Variants in C8orf48 observed in about 807,000 individuals in gnomAD.
C8orf48 encodes the protein uncharacterized protein C8orf48.
For missense variants in C8orf48, 580 were observed against 363.3 expected (o/e 1.60, Z -4.85); for synonymous variants, 188 against 138.2 (o/e 1.36, Z -2.53).
rs1162215969 is a variant in C8orf48, at chr8:13,567,741, C to G, written c.750C>G (p.Asp250Glu). ...CCCGTATTGGAGAAGCACATCAAGACTTTCCCAGGCTTTCAGATGACCCCA... is the reference window on the plus strand; with the variant it reads ...CCCGTATTGGAGAAGCACATCAAGAGTTTCCCAGGCTTTCAGATGACCCCA... ...FLTRIGEAHQ[D>E]FPRLSDDPRI... Residue 250 changes from aspartate (D) to glutamate (E), a missense_variant, in exon 1 of 1, where the codon GAC (aspartate) becomes GAG (glutamate). Physicochemically the swap from Asp to Glu is conservative, Grantham distance 45. Coordinates refer to ENST00000297324, the MANE Select transcript of C8orf48 (RefSeq NM_001007090.3). 6.4e-7 allele frequency: 1 copy of G among 1,552,096 alleles called. No individual in the cohort carries two copies. Among genetic ancestry groups the G allele is most frequent in the Non-Finnish European group, 8.7e-7 (1 of 1,147,084 alleles).
rs116418644 is a variant in C8orf48, at chr8:13,566,977, G to A, written c.-15G>A. On this transcript the variant is annotated 5_prime_UTR_variant, in exon 1 of 1. Coordinates refer to ENST00000297324, the MANE Select transcript of C8orf48 (RefSeq NM_001007090.3). Reference sequence around the variant, plus strand: ...CTGGGCAAAGGAGATGAGGAGCCGAGCCTGATGCATTGTGATGGCCATCTG... The same window carrying A: ...CTGGGCAAAGGAGATGAGGAGCCGAACCTGATGCATTGTGATGGCCATCTG... 932 of 1,533,566 alleles carry A rather than the reference G, an allele frequency of 6.1e-4. 5 individuals carry two copies. The African/African-American group carries it at 0.011, about 18-fold the overall frequency. The allele number at this position is 1,533,566 out of a possible 1,614,324, so 95.0% of individuals were successfully genotyped here.
chr8:13,567,627 T>A lies in C8orf48; in HGVS notation c.636T>A (p.Ser212=). The part of the protein sequence containing the change: ...CNRKRAELAL[S]AFLKQKKTLL... Reference sequence around the variant, plus strand: ...GGAAAAGAGCGGAGCTGGCCCTGTCTGCCTTTCTGAAACAAAAGAAGACTT... The same window carrying A: ...GGAAAAGAGCGGAGCTGGCCCTGTCAGCCTTTCTGAAACAAAAGAAGACTT... Residue 212 remains serine (S), a synonymous_variant, in exon 1 of 1, where the codon TCT becomes TCA. Coordinates refer to ENST00000297324, the MANE Select transcript of C8orf48 (RefSeq NM_001007090.3). The A allele has an allele frequency of 6.4e-7, 1 of 1,551,726 alleles. No individual in the cohort carries two copies. The highest frequency in any genetic ancestry group is 8.7e-7 in the Non-Finnish European group (1 of 1,147,000).
chr8:13,567,795 A>G lies in C8orf48; in HGVS notation c.804A>G (p.Lys268=). Residue 268 remains lysine, a synonymous_variant, in exon 1 of 1, where the codon AAA becomes AAG. Coordinates refer to ENST00000297324, the MANE Select transcript of C8orf48 (RefSeq NM_001007090.3). ...TAATCTGGAAAAGACTGACTGAGAA[A>G]AGTCATATCAGATACTCTGGTTTTG... ...PRIIWKRLTE[K]SHIRYSGFER... 1.3e-6 allele frequency: 2 copies of G among 1,551,878 alleles called. No individual in the cohort carries two copies. Among genetic ancestry groups the G allele is most frequent in the Non-Finnish European group, 1.7e-6 (2 of 1,147,034 alleles).
chr8:13,566,873 C>A lies in C8orf48; in HGVS notation c.-119C>A. 1 of 1,298,686 alleles carries A rather than the reference C, an allele frequency of 7.7e-7. No homozygotes were observed. The highest frequency in any genetic ancestry group is 1.0e-6 in the Non-Finnish European group (1 of 986,708). The allele number at this position is 1,298,686 out of a possible 1,614,324, so 80.4% of individuals were successfully genotyped here. ...AGCTGGGAAGGCGTCTCCCGGAAGACGACCTCCGCAGAGCTGATGGCATTG... is the reference window on the plus strand; with the variant it reads ...AGCTGGGAAGGCGTCTCCCGGAAGAAGACCTCCGCAGAGCTGATGGCATTG... On this transcript the variant is annotated 5_prime_UTR_variant, in exon 1 of 1. Transcript: ENST00000297324.
chr8:13,567,486 T>G lies in C8orf48; in HGVS notation c.495T>G (p.Ser165Arg). ...AGGCTTCAGAGAGAGATGCCTTTAGTTGTACTGTACCCGATGAACTTTTGA... is the reference window on the plus strand; with the variant it reads ...AGGCTTCAGAGAGAGATGCCTTTAGGTGTACTGTACCCGATGAACTTTTGA... ...DVEASERDAF[S>R]CTVPDELLNR... The change falls in exon 1 of 1, where the codon AGT becomes AGG. Residue 165 changes from serine to arginine, a missense_variant. Ser to Arg is a moderately radical substitution (Grantham distance 110, BLOSUM62 -1). Transcript: ENST00000297324. 6.4e-7 allele frequency: 1 copy of G among 1,552,096 alleles called. No homozygotes were observed. The highest frequency in any genetic ancestry group is 8.7e-7 in the Non-Finnish European group (1 of 1,147,072).
chr8:13,567,619 G>A lies in C8orf48; in HGVS notation c.628G>A (p.Ala210Thr), dbSNP rs760216970. 46 of 1,551,528 alleles carry A rather than the reference G, an allele frequency of 3.0e-5. No individual in the cohort carries two copies. The highest frequency in any genetic ancestry group is 3.9e-5 in the Non-Finnish European group (45 of 1,146,996). Residue 210 changes from alanine (A) to threonine (T), a missense_variant, in exon 1 of 1, where the codon GCC becomes ACC. Ala to Thr is a moderately conservative substitution (Grantham distance 58). Coordinates refer to ENST00000297324, the MANE Select transcript of C8orf48 (RefSeq NM_001007090.3). ...TTGTAACAGGAAAAGAGCGGAGCTG[G>A]CCCTGTCTGCCTTTCTGAAACAAAA... ...PYCNRKRAELALSAFLKQKKT... is the reference protein window; with the variant it reads ...PYCNRKRAELTLSAFLKQKKT...
chr8:13,567,137 T>A lies in C8orf48; in HGVS notation c.146T>A (p.Leu49Gln). 6.4e-7 allele frequency: 1 copy of A among 1,551,768 alleles called. No homozygotes were observed. Among genetic ancestry groups the A allele is most frequent in the Non-Finnish European group, 8.7e-7 (1 of 1,147,004 alleles). Reference protein sequence around the residue: ...SSSGGRQSSPLTSGSKLEREK... With the variant: ...SSSGGRQSSPQTSGSKLEREK... ...TCTGGAGGACGGCAGTCCTCGCCCC[T>A]GACCTCTGGGAGCAAACTGGAGAGG... Residue 49 changes from leucine to glutamine, a missense_variant, in exon 1 of 1, where the codon CTG (leucine) becomes CAG (glutamine). By Grantham distance (113) the Leu-to-Gln change is moderately radical. Transcript: ENST00000297324.
At position 13,568,128 on chromosome 8, in the gene C8orf48, T is replaced by C. The variant is rs1464615042; in HGVS notation, c.*177T>C. On this transcript the variant is annotated 3_prime_UTR_variant, in exon 1 of 1. Coordinates refer to ENST00000297324, the MANE Select transcript of C8orf48 (RefSeq NM_001007090.3). ...TAGTTGGAATAGTTATAAAAACTTT[T>C]ACAAAATTCCAAGAGAACTATGTTG... The C allele has an allele frequency of 4.3e-6, 3 of 703,650 alleles. No individual in the cohort carries two copies. Among genetic ancestry groups the C allele is most frequent in the Admixed American group, 3.5e-5 (1 of 28,272 alleles). 43.6% of individuals were successfully genotyped at this position (703,650 alleles called of 1,614,324 possible).
rs1163591057 is a variant in C8orf48, at chr8:13,567,757, G to C, written c.766G>C (p.Asp256His). 1 of 1,552,012 alleles carries C rather than the reference G, an allele frequency of 6.4e-7. No homozygotes were observed. The highest frequency in any genetic ancestry group is 1.2e-5 in the South Asian group (1 of 84,066). The part of the protein sequence containing the change: ...EAHQDFPRLS[D>H]DPRIIWKRLT... ...ACATCAAGACTTTCCCAGGCTTTCA[G>C]ATGACCCCAGAATAATCTGGAAAAG... The change falls in exon 1 of 1, where the codon GAT (aspartate) becomes CAT (histidine). Residue 256 changes from aspartate (D) to histidine (H), a missense_variant. Transcript: ENST00000297324.
rs1804525954 is a variant in C8orf48, at chr8:13,568,234, T to C, written c.*283T>C. On this transcript the variant is annotated 3_prime_UTR_variant, in exon 1 of 1. Transcript: ENST00000297324. ...AGAAACTTAAAAAGTAATAACTGTC[T>C]TTGGCGATCAAATGGCTATGGGGAA... The C allele has an allele frequency of 6.9e-6, 2 of 291,884 alleles. No individual in the cohort carries two copies. Among genetic ancestry groups the C allele is most frequent in the South Asian group, 8.5e-5 (1 of 11,778 alleles). 18.1% of individuals were successfully genotyped at this position (291,884 alleles called of 1,614,324 possible). A position where few individuals can be genotyped will look rare whatever the true frequency, so the allele number is the denominator to read the frequency against.
rs975341145 is a variant in C8orf48 at position 13,567,732 on chromosome 8, A to G, written c.741A>G (p.Ala247=). 7.6e-5 allele frequency: 118 copies of G among 1,552,016 alleles called. No homozygotes were observed. The highest frequency in any genetic ancestry group is 1.0e-4 in the Non-Finnish European group (115 of 1,147,106). The change falls in exon 1 of 1, where the codon GCA becomes GCG. Residue 247 remains alanine (A), a synonymous_variant. Transcript: ENST00000297324. ...TKDFLTRIGE[A]HQDFPRLSDD... ...ACTTTCTCACCCGTATTGGAGAAGC[A>G]CATCAAGACTTTCCCAGGCTTTCAG...
Position 13,567,907 on chromosome 8 carries a change from A to T in C8orf48, c.916A>T (p.Thr306Ser), listed in dbSNP as rs774481502. ...TTCTCTGCCATTTCTCAAGCGACTT[A>T]CTCTAATCAAACCAGAGCTGGTGAT... ...PFSLPFLKRL[T>S]LIKPELVIVN... is the part of the protein sequence containing the mutation. The change falls in exon 1 of 1, where the codon ACT becomes TCT. Residue 306 changes from threonine (T) to serine (S), a missense_variant. Coordinates refer to ENST00000297324, the MANE Select transcript of C8orf48 (RefSeq NM_001007090.3). 54 of 1,551,844 alleles carry T rather than the reference A, an allele frequency of 3.5e-5. No homozygotes were observed. Among genetic ancestry groups the T allele is most frequent in the Non-Finnish European group, 4.6e-5 (53 of 1,146,904 alleles).
At position 13,567,129 on chromosome 8, in the gene C8orf48, C is replaced by T. The variant is rs1804466696; in HGVS notation, c.138C>T (p.Ser46=). The change falls in exon 1 of 1, where the codon TCC becomes TCT. Residue 46 remains serine (S), a synonymous_variant. Transcript: ENST00000297324. The part of the protein sequence containing the change: ...SSFSSSGGRQ[S]SPLTSGSKLE... ...TCAGCTCCTCTGGAGGACGGCAGTCCTCGCCCCTGACCTCTGGGAGCAAAC... is the reference window on the plus strand; with the variant it reads ...TCAGCTCCTCTGGAGGACGGCAGTCTTCGCCCCTGACCTCTGGGAGCAAAC... 2 of 1,551,738 alleles carry T rather than the reference C, an allele frequency of 1.3e-6. No homozygotes were observed. The highest frequency in any genetic ancestry group is 1.7e-6 in the Non-Finnish European group (2 of 1,147,012).
chr8:13,567,092 C>T lies in C8orf48; in HGVS notation c.101C>T (p.Thr34Ile), dbSNP rs573686073. The T allele has an allele frequency of 6.4e-7, 1 of 1,551,654 alleles. No homozygotes were observed. The highest frequency in any genetic ancestry group is 1.4e-5 in the African/African-American group (1 of 73,070). The change falls in exon 1 of 1, where the codon ACT becomes ATT. Residue 34 changes from threonine to isoleucine, a missense_variant. By Grantham distance (89) the Thr-to-Ile change is moderately conservative. Coordinates refer to ENST00000297324, the MANE Select transcript of C8orf48 (RefSeq NM_001007090.3). ...TLKNSTDEVQ[T>I]SSSFSSSGGR... ...AAGAACTCTACTGATGAGGTACAGA[C>T]TTCCAGCTCATTCAGCTCCTCTGGA...
chr8:13,567,108 C>G lies in C8orf48; in HGVS notation c.117C>G (p.Ser39Arg). Reference protein sequence around the residue: ...TDEVQTSSSFSSSGGRQSSPL... With the variant: ...TDEVQTSSSFRSSGGRQSSPL... ...AGGTACAGACTTCCAGCTCATTCAG[C>G]TCCTCTGGAGGACGGCAGTCCTCGC... Residue 39 changes from serine to arginine, a missense_variant, in exon 1 of 1, where the codon AGC becomes AGG. Physicochemically the swap from Ser to Arg is moderately radical, Grantham distance 110 (BLOSUM62 -1). Coordinates refer to ENST00000297324, the MANE Select transcript of C8orf48 (RefSeq NM_001007090.3). 1 of 1,551,772 alleles carries G rather than the reference C, an allele frequency of 6.4e-7. No homozygotes were observed. The highest frequency in any genetic ancestry group is 8.7e-7 in the Non-Finnish European group (1 of 1,147,010).
chr8:13,567,487 T>C lies in C8orf48; in HGVS notation c.496T>C (p.Cys166Arg). ...VEASERDAFS[C>R]TVPDELLNRI... ...GGCTTCAGAGAGAGATGCCTTTAGT[T>C]GTACTGTACCCGATGAACTTTTGAA... The change falls in exon 1 of 1, where the codon TGT becomes CGT. Residue 166 changes from cysteine to arginine, a missense_variant. Cys to Arg is a radical substitution (Grantham distance 180). Coordinates refer to ENST00000297324, the MANE Select transcript of C8orf48 (RefSeq NM_001007090.3). The C allele has an allele frequency of 6.4e-7, 1 of 1,552,106 alleles. No individual in the cohort carries two copies. The highest frequency in any genetic ancestry group is 8.7e-7 in the Non-Finnish European group (1 of 1,147,076).
At position 13,567,116 on chromosome 8, in the gene C8orf48, G is replaced by C. The variant is rs920170626; in HGVS notation, c.125G>C (p.Gly42Ala). 6.4e-7 allele frequency: 1 copy of C among 1,551,738 alleles called. No homozygotes were observed. The highest frequency in any genetic ancestry group is 8.7e-7 in the Non-Finnish European group (1 of 1,147,008). The change falls in exon 1 of 1, where the codon GGA becomes GCA. Residue 42 changes from glycine to alanine, a missense_variant. Gly to Ala is a moderately conservative substitution (Grantham distance 60). Coordinates refer to ENST00000297324, the MANE Select transcript of C8orf48 (RefSeq NM_001007090.3). ...ACTTCCAGCTCATTCAGCTCCTCTG[G>C]AGGACGGCAGTCCTCGCCCCTGACC... ...VQTSSSFSSS[G>A]GRQSSPLTSG...
In C8orf48 at chr8:13,567,383, A is replaced by G. The variant is rs943873456; in HGVS notation, c.392A>G (p.Asn131Ser). The G allele has an allele frequency of 6.4e-7, 1 of 1,551,712 alleles. No homozygotes were observed. Among genetic ancestry groups the G allele is most frequent in the Non-Finnish European group, 8.7e-7 (1 of 1,147,010 alleles). ...ALQSYCTMKI[N>S]LIHRRGDSKK... ...CAGTCTTATTGCACCATGAAGATAA[A>G]TTTGATTCATCGTAGAGGGGATTCT... Residue 131 changes from asparagine (N) to serine (S), a missense_variant, in exon 1 of 1, where the codon AAT becomes AGT. Transcript: ENST00000297324.
In C8orf48 at chr8:13,566,886, G is replaced by C; in HGVS notation, c.-106G>C. On this transcript the variant is annotated 5_prime_UTR_variant, in exon 1 of 1. Transcript: ENST00000297324. ...TCTCCCGGAAGACGACCTCCGCAGA[G>C]CTGATGGCATTGAGATCCATTCCCG... 7.2e-7 allele frequency: 1 copy of C among 1,391,238 alleles called. No homozygotes were observed. Among genetic ancestry groups the C allele is most frequent in the Non-Finnish European group, 9.5e-7 (1 of 1,052,346 alleles). The allele number at this position is 1,391,238 out of a possible 1,614,324, so 86.2% of individuals were successfully genotyped here. A position where few individuals can be genotyped will look rare whatever the true frequency, so the allele number is the denominator to read the frequency against.
Sources: gnomAD v4.1 joint callset for allele counts on GRCh38, gnomAD v4.1.1 for gene constraint, MANE v1.5 for transcripts, NCBI Gene and HGNC (gene_info 2026-07-23, HGNC 2026-07-21) for gene names.